The following CATSPERD variants were observed in gnomAD, a reference collection of about 807,000 sequenced individuals.
The protein encoded by CATSPERD is catsper channel auxiliary subunit delta.
A neutral mutation model predicts 98.1 loss-of-function variants in CATSPERD; 86 were observed. The ratio of observed to expected loss-of-function variants is 0.88; its 90% CI spans 0.74 to 1.05. The LOEUF (loss-of-function observed/expected upper bound fraction) is 1.05. CATSPERD is among the 50% of genes least tolerant of loss of function. CATSPERD has a pLI of 0.00. For missense variants in CATSPERD, 995 were observed against 1,005.7 expected (o/e 0.99, Z 0.14); for synonymous variants, 394 against 390.2 (o/e 1.01, Z -0.12).
chr19:5,767,454 A>G (rs1168155730), intron 17 of CATSPERD, among the ~76,000 whole-genome samples: 1 of 149,436 alleles, frequency 6.7e-6, no homozygotes, highest in Non-Finnish European at 1.5e-5. Flanking sequence ...GCAACTGCTC[A>G]TGCATTAGAC....
At chr19:5,739,659 C>T (rs997562632) in intron 7 of CATSPERD, among the ~76,000 whole-genome samples, 6 of 151,142 alleles carry the variant, frequency 4.0e-5, no homozygotes, top group African/African-American at 1.5e-4. Flanking sequence ...TGGCAAGACC[C>T]CATCTCTACA....
rs747988086 is a variant in CATSPERD at position 5,721,985 on chromosome 19, GAAA to G, written c.71+1190_71+1192del. Among the ~76,000 whole-genome samples the G allele has an allele frequency of 6.7e-3, 753 of 111,766 alleles. 4 individuals carry two copies. The highest frequency in any genetic ancestry group is 0.023 in the African/African-American group (706 of 31,110). The allele number at this position is 111,766 out of a possible 152,430, so 73.3% of individuals were successfully genotyped here. A position where few individuals can be genotyped will look rare whatever the true frequency, so the allele number is the denominator to read the frequency against. ...GACAAAGGGAGACTCTGTCTCAAAGGAAAAAAAAAAAAAAAGAGATGGGGTCTC... is the reference window on the plus strand; with the variant it reads ...GACAAAGGGAGACTCTGTCTCAAAGGAAAAAAAAAAAAGAGATGGGGTCTC... On this transcript the variant is annotated intron_variant, in intron 1 of 21. Transcript: ENST00000381624.
intron 12 of CATSPERD, chr19:5,753,652 T>C (rs948515858): frequency 2.0e-5 from 7 of 353,756 alleles, no homozygotes; most frequent in Non-Finnish European, 4.0e-5. Context: ...GGAGGATCAC[T>C]TGTGCCCAGG....
rs999021743 is a variant in CATSPERD at position 5,756,873 on chromosome 19, G to T, written c.1279-970G>T. ...CATGAGAATCGCTTGAACCCAGGAG[G>T]CAGAGGTTGCAGTGAGCCAAGATCT... On this transcript the variant is annotated intron_variant, in intron 13 of 21. Coordinates refer to ENST00000381624, the MANE Select transcript of CATSPERD (RefSeq NM_152784.4). Among the ~76,000 whole-genome samples, 23 of 151,936 alleles carry T rather than the reference G, an allele frequency of 1.5e-4. 1 individual carries two copies. The highest frequency in any genetic ancestry group is 1.3e-3 in the Admixed American group (20 of 15,174).
Position 5,744,519 on chromosome 19 carries a change from C to T in CATSPERD, c.657+9C>T. The T allele has an allele frequency of 6.2e-7, 1 of 1,606,948 alleles. No homozygotes were observed. Among genetic ancestry groups the T allele is most frequent in the South Asian group, 1.1e-5 (1 of 90,838 alleles). ...TAGTGAATCAAGGGAAGGTAAGTAA[C>T]TGCAGAGGGAAGAACTACTCAGAGG... On this transcript the variant is annotated intron_variant, in intron 8 of 21. Transcript: ENST00000381624.
chr19:5,742,144 G>T (rs1332164597), intron 7 of CATSPERD, among the ~76,000 whole-genome samples: 3 of 136,582 alleles, frequency 2.2e-5, no homozygotes, highest in African/African-American at 7.9e-5. Flanking sequence ...GTGCGCGTGT[G>T]TACGTGTGTG....
rs200874825 is a variant in CATSPERD, at chr19:5,742,804, AAAG to A, written c.574-1620_574-1618del. Among the ~76,000 whole-genome samples the A allele has an allele frequency of 4.2e-3, 636 of 152,092 alleles. 4 individuals are homozygous for A. The highest frequency in any genetic ancestry group is 0.015 in the African/African-American group (613 of 41,490). ...ATCCTGTTGCAAAAAAAGAAAAAGA[AAAG>A]AAACTGGTTGGAGTGATGGAGCAGG... On this transcript the variant is annotated intron_variant, in intron 7 of 21. Coordinates refer to ENST00000381624, the MANE Select transcript of CATSPERD (RefSeq NM_152784.4).
chr19:5,738,463 C>T (rs1269080605), intron 6 of CATSPERD, among the ~76,000 whole-genome samples: 1 of 151,828 alleles, frequency 6.6e-6, no homozygotes, highest in Admixed American at 6.6e-5. Context: ...GCCCAGAAGG[C>T]GCAGGTTATA....
chr19:5,758,923 CAAAAAAAAAAA>C (rs1002375684), intron 14 of CATSPERD, among the ~76,000 whole-genome samples, 152 bp from the exon 15 acceptor site: 3 of 39,496 alleles, frequency 7.6e-5, no homozygotes, highest in South Asian at 8.6e-4. Context: ...GACTCCATCT[CAAAAAAAAAAA>C]AAAAAAAAAA....
At chr19:5,731,560 GTTTTTTTTTTTTT>G (rs67541709) in intron 4 of CATSPERD, among the ~76,000 whole-genome samples, 9 of 75,732 alleles carry the variant, frequency 1.2e-4, no homozygotes, top group Middle Eastern at 0.011. Flanking sequence ...ACACTTAACA[GTTTTTTTTTTTTT>G]TTTTTTTTTT....
intron 14 of CATSPERD, 138 bp downstream of exon 14, chr19:5,758,070 G>C (rs2056361005): frequency 9.2e-6 from 6 of 654,674 alleles, no homozygotes; most frequent in Non-Finnish European, 1.3e-5. Context: ...AAGATGATCA[G>C]GCAGCCGTCA....
chr19:5,770,819 G>A, intron 18 of CATSPERD, 125 bp from the exon 19 acceptor site: 1 of 1,167,070 alleles, frequency 8.6e-7, no homozygotes, highest in Non-Finnish European at 1.2e-6. Flanking sequence ...GCCCACCTCA[G>A]ATGCCACCTC....
At position 5,722,396 on chromosome 19, in the gene CATSPERD, C is replaced by T. The variant is rs148026000; in HGVS notation, c.71+1588C>T. On this transcript the variant is annotated intron_variant, in intron 1 of 21. Transcript: ENST00000381624. ...TCGGCCTCCCAACGTGCTGGGCTTA[C>T]AGGCGTGTGCCACCGCGCCCGGCCA... Among the ~76,000 whole-genome samples, 651 of 152,326 alleles carry T rather than the reference C, an allele frequency of 4.3e-3. 7 individuals are homozygous for T. Among genetic ancestry groups the T allele is most frequent in the African/African-American group, 0.015 (612 of 41,578 alleles).
At chr19:5,763,487 G>T (rs1444240320) in intron 16 of CATSPERD, among the ~76,000 whole-genome samples, 194 bp downstream of exon 16, 1 of 152,124 alleles carries the variant, frequency 6.6e-6, no homozygotes, top group Non-Finnish European at 1.5e-5. Flanking sequence ...AAAATTTATG[G>T]ATGCATGCTT....
chr19:5,740,801 G>A (rs377361542), intron 7 of CATSPERD, among the ~76,000 whole-genome samples: 9 of 148,900 alleles, frequency 6.0e-5, no homozygotes, highest in Admixed American at 2.0e-4. Context: ...GCGCCCAGCC[G>A]TGTAGGGACA....
At chr19:5,763,731 C>T (rs936632727) in intron 16 of CATSPERD, among the ~76,000 whole-genome samples, 2 of 151,454 alleles carry the variant, frequency 1.3e-5, no homozygotes, top group African/African-American at 2.4e-5. Flanking sequence ...ATGATCTGCC[C>T]GCCTTGGTCT....
chr19:5,731,087 G>A (rs573067198), intron 4 of CATSPERD, among the ~76,000 whole-genome samples: 420 of 138,948 alleles, frequency 3.0e-3, no homozygotes, highest in Non-Finnish European at 4.9e-3. Flanking sequence ...GCGAGACTCC[G>A]TCTCAAAAAA....
At chr19:5,775,956 G>A (rs2056734313) in intron 20 of CATSPERD, among the ~76,000 whole-genome samples, 1 of 152,124 alleles carries the variant, frequency 6.6e-6, no homozygotes, top group Non-Finnish European at 1.5e-5. Context: ...ACAGAGGCAG[G>A]TGAGATGGAG....
intron 5 of CATSPERD, 131 bp from the exon 6 acceptor site, chr19:5,737,006 AG>A (rs1762295234): frequency 3.9e-6 from 2 of 518,954 alleles, no homozygotes; most frequent in Non-Finnish European, 7.0e-6. Context: ...GCAGTGAGCC[AG>A]GATCACGCCA....
Sources: gnomAD v4.1 joint callset for allele counts (sites outside exome capture counted in the v4.1 genomes callset) on GRCh38, gnomAD v4.1.1 for gene constraint, MANE v1.5 for transcripts, NCBI Gene and HGNC (gene_info 2026-07-23, HGNC 2026-07-21) for gene names.